Variants in QTMAN observed in about 807,000 individuals in gnomAD.
QTMAN encodes queuosine-tRNA mannosyltransferase.
At chr2:144,296,921 G>C in the QTMAN span, among the ~76,000 whole-genome samples, 2 of 152,106 alleles carry the variant, frequency 1.3e-5, no homozygotes, top group African/African-American at 4.8e-5. Context: ...AAGAATGATT[G>C]CTTTATAATG....
the QTMAN span, among the ~76,000 whole-genome samples, chr2:144,031,088 A>G: frequency 6.6e-6 from 1 of 152,240 alleles, no homozygotes; most frequent in Non-Finnish European, 1.5e-5. Flanking sequence ...GTTGCACATC[A>G]GAAGTTTTAA....
At chr2:144,065,184 T>C in the QTMAN span, among the ~76,000 whole-genome samples, 1 of 152,212 alleles carries the variant, frequency 6.6e-6, no homozygotes, top group Admixed American at 6.5e-5. Context: ...ACCTGTGCTC[T>C]ACCGAACACT....
At chr2:144,000,595 C>A in the QTMAN span, among the ~76,000 whole-genome samples, 7 of 152,024 alleles carry the variant, frequency 4.6e-5, no homozygotes, top group East Asian at 1.4e-3. Context: ...TAGCTACTTA[C>A]AATAATTATA....
At chr2:143,980,248 T>C in the QTMAN span, among the ~76,000 whole-genome samples, 3 of 152,118 alleles carry the variant, frequency 2.0e-5, no homozygotes, top group South Asian at 6.2e-4. Context: ...TGTGTTCTCA[T>C]TGTTCAGCTC....
the QTMAN span, among the ~76,000 whole-genome samples, chr2:143,990,726 A>T: frequency 6.6e-6 from 1 of 152,208 alleles, no homozygotes; most frequent in Non-Finnish European, 1.5e-5. Context: ...ATTCCAAAAA[A>T]TATAGGCTCG....
At chr2:144,331,587 A>G in the QTMAN span, among the ~76,000 whole-genome samples, 1 of 152,136 alleles carries the variant, frequency 6.6e-6, no homozygotes, top group African/African-American at 2.4e-5. Flanking sequence ...CATTAACTTA[A>G]GAATCTCAAG....
the QTMAN span, among the ~76,000 whole-genome samples, chr2:144,170,601 G>T: frequency 6.6e-6 from 1 of 152,024 alleles, no homozygotes; most frequent in Non-Finnish European, 1.5e-5. Context: ...GCAAATAAAT[G>T]GGCTATCTGA....
the QTMAN span, among the ~76,000 whole-genome samples, chr2:144,169,547 T>C: frequency 6.6e-6 from 1 of 152,130 alleles, no homozygotes; most frequent in Non-Finnish European, 1.5e-5. Flanking sequence ...TATTAGACAA[T>C]GAGAGGCTTT....
the QTMAN span, among the ~76,000 whole-genome samples, chr2:144,176,665 T>C: frequency 6.6e-6 from 1 of 152,202 alleles, no homozygotes; most frequent in African/African-American, 2.4e-5. Context: ...ATGTTATATA[T>C]ATTTATGTAT....
At chr2:144,104,151 A>G in the QTMAN span, among the ~76,000 whole-genome samples, 4 of 152,076 alleles carry the variant, frequency 2.6e-5, no homozygotes, top group Non-Finnish European at 5.9e-5. Context: ...CCAAATAGGA[A>G]TAGGTCCAGT....
At chr2:144,133,476 TA>T in the QTMAN span, among the ~76,000 whole-genome samples, 2 of 80,466 alleles carry the variant, frequency 2.5e-5, no homozygotes, top group African/African-American at 1.0e-4. Flanking sequence ...ATATATTATA[TA>T]ATATATAAAA....
chr2:143,963,978 C>T, the QTMAN span: 2 of 152,022 alleles, frequency 1.3e-5, no homozygotes, highest in Non-Finnish European at 2.9e-5. Flanking sequence ...CAAATGCATG[C>T]TACTAAAATG....
chr2:143,975,659 C>G, the QTMAN span, among the ~76,000 whole-genome samples: 1 of 152,182 alleles, frequency 6.6e-6, no homozygotes. Context: ...ATGCCACTTT[C>G]AGACGAAAGT....
chr2:144,112,665 T>C, the QTMAN span, among the ~76,000 whole-genome samples: 1 of 152,198 alleles, frequency 6.6e-6, no homozygotes, highest in Admixed American at 6.5e-5. Flanking sequence ...AACCTAGATT[T>C]CCAGCTTTGC....
At chr2:144,088,541 G>A in the QTMAN span, among the ~76,000 whole-genome samples, 177 of 152,104 alleles carry the variant, frequency 1.2e-3, no homozygotes, top group African/African-American at 4.1e-3. Flanking sequence ...CAATAAAGCT[G>A]GTGGCATCAC....
At chr2:144,079,854 C>T in the QTMAN span, among the ~76,000 whole-genome samples, 2 of 152,024 alleles carry the variant, frequency 1.3e-5, no homozygotes, top group South Asian at 2.1e-4. Context: ...GACCTAGAGT[C>T]TAATTTTTAG....
the QTMAN span, among the ~76,000 whole-genome samples, chr2:144,105,862 A>G: frequency 3.3e-5 from 5 of 152,324 alleles, no homozygotes; most frequent in South Asian, 4.1e-4. Flanking sequence ...GAGAAAGGTC[A>G]GGTTAACCAC....
chr2:144,145,694 G>A, the QTMAN span: 1 of 1,611,604 alleles, frequency 6.2e-7, no homozygotes, highest in African/African-American at 1.3e-5. Flanking sequence ...CAGGCCGAAG[G>A]GCAGCCAGTT....
At chr2:144,181,386 C>T in the QTMAN span, among the ~76,000 whole-genome samples, 1 of 152,052 alleles carries the variant, frequency 6.6e-6, no homozygotes, top group Non-Finnish European at 1.5e-5. Flanking sequence ...TTTTTAGGAA[C>T]TAAGTAACCA....
Sources: allele counts gnomAD v4.1 joint callset (sites outside exome capture counted in the v4.1 genomes callset), GRCh38; gene constraint gnomAD v4.1.1; transcripts MANE v1.5; gene names NCBI Gene and HGNC (gene_info 2026-07-23, HGNC 2026-07-21).